MIB1: variants seen among roughly 807,000 people sequenced by gnomAD.
MIB1 encodes E3 ubiquitin-protein ligase MIB1.
Under a neutral mutation model 124.5 loss-of-function variants are expected in MIB1, and 278 were observed. The observed-to-expected ratio is 2.23, with a 90% CI of 2.02 to 2.47. MIB1 has a LOEUF of 2.47. MIB1 is among the 30% of genes most tolerant of loss of function. The probability of loss-of-function intolerance (pLI) is 0.00; values close to 1 mark genes in which losing one functional copy is unlikely to be tolerated. For synonymous variants in MIB1, 446 were observed against 429.4 expected (o/e 1.04, Z -0.48); for missense variants, 957 against 1,254.4 (o/e 0.76, Z 3.58).
At chr18:21,724,727 A>AAAATATAT (rs1350936232) in intron 1 of MIB1, among the ~76,000 whole-genome samples, 11 of 17,372 alleles carry the variant, frequency 6.3e-4, no homozygotes, top group African/African-American at 1.3e-3. Context: ...AAAAAAAAAA[A>AAAATATAT]ATATATATAT....
At chr18:21,809,314 G>C (rs980332654) in intron 10 of MIB1, among the ~76,000 whole-genome samples, 9 of 152,080 alleles carry the variant, frequency 5.9e-5, no homozygotes, top group African/African-American at 2.2e-4. Context: ...ATGGTTTCAG[G>C]GGGGATTTCT....
At chr18:21,769,628 A>G (rs1030528881) in intron 3 of MIB1, among the ~76,000 whole-genome samples, 6 of 152,184 alleles carry the variant, frequency 3.9e-5, no homozygotes, top group African/African-American at 1.2e-4. Flanking sequence ...CTCTTTTGGT[A>G]GGACACACAT....
At chr18:21,711,280 T>C (rs2040664473) in intron 1 of MIB1, among the ~76,000 whole-genome samples, 1 of 152,122 alleles carries the variant, frequency 6.6e-6, no homozygotes, top group African/African-American at 2.4e-5. Context: ...TTTATTTATT[T>C]ATTTTTATTT....
chr18:21,866,098 T>C lies in MIB1; in HGVS notation c.*1432T>C, dbSNP rs546663811. ...TTTTCCTAAAAATAGTTATCCTCTT[T>C]TGTAGTTTTTTTCCCTCCTTTAAAT... On this transcript the variant is annotated 3_prime_UTR_variant, in exon 21 of 21. Transcript: ENST00000261537. 3 of 152,354 alleles carry C rather than the reference T, an allele frequency of 2.0e-5. No individual in the cohort carries two copies. The highest frequency in any genetic ancestry group is 2.0e-4 in the Admixed American group (3 of 15,290). 9.4% of individuals were successfully genotyped at this position (152,354 alleles called of 1,614,324 possible). A position where few individuals can be genotyped will look rare whatever the true frequency, so the allele number is the denominator to read the frequency against.
At chr18:21,864,371 C>T (rs886883980) in intron 20 of MIB1, among the ~76,000 whole-genome samples, 155 bp from the exon 21 acceptor site, 6 of 152,270 alleles carry the variant, frequency 3.9e-5, no homozygotes, top group East Asian at 3.9e-4. Context: ...ATAGGGATGA[C>T]ATTTTAACTA....
intron 6 of MIB1, among the ~76,000 whole-genome samples, chr18:21,780,635 A>G (rs1004594442): frequency 6.6e-6 from 1 of 152,184 alleles, no homozygotes; most frequent in Non-Finnish European, 1.5e-5. Context: ...ATTTTTAGAG[A>G]AGGGGTCTCA....
At chr18:21,833,155 C>T (rs2146494211) in intron 12 of MIB1, among the ~76,000 whole-genome samples, 1 of 152,288 alleles carries the variant, frequency 6.6e-6, no homozygotes, top group East Asian at 1.9e-4. Context: ...CTCTTCACCA[C>T]TATGCCACAT....
intron 6 of MIB1, among the ~76,000 whole-genome samples, chr18:21,786,452 A>C (rs936276379): frequency 6.6e-6 from 1 of 152,106 alleles, no homozygotes; most frequent in Non-Finnish European, 1.5e-5. Flanking sequence ...CTTGCTGTAC[A>C]TTGATATTTA....
chr18:21,781,442 G>A (rs2041367192), intron 6 of MIB1, among the ~76,000 whole-genome samples: 1 of 132,258 alleles, frequency 7.6e-6, no homozygotes, highest in Non-Finnish European at 1.6e-5. Context: ...TTTTTGAGAT[G>A]GGGTCTCCCT....
At position 21,774,187 on chromosome 18, in the gene MIB1, A is replaced by G. The variant is rs1416239953; in HGVS notation, c.636+459A>G. Reference sequence around the variant, plus strand: ...TTTTAAAGTATAGTGTTGATAATTGAAAATGATTGACTTAGAAACACCTTG... The same window carrying G: ...TTTTAAAGTATAGTGTTGATAATTGGAAATGATTGACTTAGAAACACCTTG... On this transcript the variant is annotated intron_variant, in intron 4 of 20. Transcript: ENST00000261537. Among the ~76,000 whole-genome samples, 10 of 152,256 alleles carry G rather than the reference A, an allele frequency of 6.6e-5. No individual in the cohort carries two copies. The East Asian group carries it at 1.7e-3, about 26-fold the overall frequency.
Position 21,765,793 on chromosome 18 carries a change from T to C in MIB1, c.251T>C (p.Met84Thr). 6.2e-7 allele frequency: 1 copy of C among 1,614,140 alleles called. No individual in the cohort carries two copies. Among genetic ancestry groups the C allele is most frequent in the Non-Finnish European group, 8.5e-7 (1 of 1,179,982 alleles). ...ATAGGCATCAAGCATGATGGAACCA[T>C]GTGTGATACCTGCCGCCAGCAACCA... ...APTGIKHDGT[M>T]CDTCRQQPII... The change falls in exon 2 of 21, where the codon ATG becomes ACG. Residue 84 changes from methionine to threonine, a missense_variant. Physicochemically the swap from Met to Thr is moderately conservative, Grantham distance 81. Coordinates refer to ENST00000261537, the MANE Select transcript of MIB1 (RefSeq NM_020774.4).
chr18:21,855,899 ATAAT>A (rs1158013905), intron 18 of MIB1, among the ~76,000 whole-genome samples: 1 of 152,234 alleles, frequency 6.6e-6, no homozygotes, highest in Non-Finnish European at 1.5e-5. Flanking sequence ...GTGTTATTTT[ATAAT>A]TAATTAACAA....
chr18:21,821,661 C>A (rs9675542), intron 12 of MIB1, among the ~76,000 whole-genome samples: 1 of 150,616 alleles, frequency 6.6e-6, no homozygotes, highest in Non-Finnish European at 1.5e-5. Context: ...TGCAGTGGCA[C>A]AATCTCGGCT....
intron 1 of MIB1, among the ~76,000 whole-genome samples, chr18:21,749,534 A>G (rs1037936279): frequency 6.6e-6 from 1 of 151,560 alleles, no homozygotes; most frequent in African/African-American, 2.4e-5. Context: ...ATGGCTAAAT[A>G]TTGTCCTCAC....
At chr18:21,739,373 T>TA (rs1375772348), upstream of MIB1, among the ~76,000 whole-genome samples, 2 of 152,138 alleles carry the variant, frequency 1.3e-5, no homozygotes, top group Non-Finnish European at 2.9e-5. Flanking sequence ...GAGGAGCTGT[T>TA]ACTGTACTTC....
intron 1 of MIB1, among the ~76,000 whole-genome samples, chr18:21,730,872 A>G (rs1420126009): frequency 6.6e-6 from 1 of 151,966 alleles, no homozygotes; most frequent in Non-Finnish European, 1.5e-5. Context: ...GTCTTGCAGG[A>G]CCTCTACTTC....
chr18:21,848,456 A>G (rs1357756847), intron 16 of MIB1, among the ~76,000 whole-genome samples: 1 of 152,194 alleles, frequency 6.6e-6, no homozygotes, highest in African/African-American at 2.4e-5. Flanking sequence ...GTCTCCAAAA[A>G]AAAAAATCTA....
chr18:21,764,505 T>A (rs1223682706), intron 1 of MIB1, among the ~76,000 whole-genome samples: 1 of 152,230 alleles, frequency 6.6e-6, no homozygotes, highest in African/African-American at 2.4e-5. Context: ...TTAGAACACG[T>A]TGTCTCACCT....
chr18:21,849,314 G>T lies in MIB1; in HGVS notation c.2512G>T (p.Ala838Ser), dbSNP rs779026965. The T allele has an allele frequency of 2.5e-6, 4 of 1,612,980 alleles. No individual in the cohort carries two copies. The African/African-American group carries it at 4.0e-5, about 16-fold the overall frequency. The change falls in exon 17 of 21, where the codon GCT becomes TCT. Residue 838 changes from alanine to serine, a missense_variant. Transcript: ENST00000261537. Reference protein sequence around the residue: ...DTLFGPCGHIATCSLCSPRVK... With the variant: ...DTLFGPCGHISTCSLCSPRVK... Reference sequence around the variant, plus strand: ...TCTTTTTGGTCCATGTGGACATATTGCTACCTGTTCTTTATGTTCTCCACG... The same window carrying T: ...TCTTTTTGGTCCATGTGGACATATTTCTACCTGTTCTTTATGTTCTCCACG...
Sources: gnomAD v4.1 joint callset for allele counts (sites outside exome capture counted in the v4.1 genomes callset) on GRCh38, gnomAD v4.1.1 for gene constraint, MANE v1.5 for transcripts, NCBI Gene and HGNC (gene_info 2026-07-23, HGNC 2026-07-21) for gene names.